Variants in TRPC7 observed in about 807,000 individuals in gnomAD.
The protein encoded by TRPC7 is transient receptor potential cation channel subfamily C member 7.
Under a neutral mutation model 90.1 loss-of-function variants are expected in TRPC7, and 42 were observed. The observed-to-expected ratio is 0.47, with a 90% CI of 0.36 to 0.60. The LOEUF (loss-of-function observed/expected upper bound fraction) is 0.60. TRPC7 is among the 20% of genes least tolerant of loss of function. The pLI is 0.00. For missense variants in TRPC7, 955 were observed against 1,112.3 expected (o/e 0.86, Z 2.01); for synonymous variants, 451 against 436.3 (o/e 1.03, Z -0.42).
chr5:136,270,266 AT>A (rs567591497), intron 4 of TRPC7, among the ~76,000 whole-genome samples: 1 of 152,098 alleles, frequency 6.6e-6, no homozygotes. Flanking sequence ...AGCTTCCTAT[AT>A]TTTTTTAAAA....
At position 136,213,160 on chromosome 5, in the gene TRPC7, T is replaced by A. The variant is rs1477904238; in HGVS notation, c.*275A>T. Among the ~76,000 whole-genome samples the A allele has an allele frequency of 1.3e-5, 2 of 152,224 alleles. No homozygotes were observed. The highest frequency in any genetic ancestry group is 6.5e-5 in the Admixed American group (1 of 15,284). ...CTGGCCACAGGGATGGGTTTCACTG[T>A]GGCTGGACCAAAGGTCTCACACTCG... On this transcript the variant is annotated 3_prime_UTR_variant, in exon 12 of 12. Coordinates refer to ENST00000513104, the MANE Select transcript of TRPC7 (RefSeq NM_020389.3).
At chr5:136,355,021 G>A (rs1760317478) in intron 2 of TRPC7, among the ~76,000 whole-genome samples, 1 of 152,214 alleles carries the variant, frequency 6.6e-6, no homozygotes, top group Non-Finnish European at 1.5e-5. Flanking sequence ...CTGTATAATT[G>A]TATGCCATAC....
chr5:136,364,348 C>T (rs1760659949), intron 1 of TRPC7, among the ~76,000 whole-genome samples: 1 of 152,166 alleles, frequency 6.6e-6, no homozygotes, highest in Admixed American at 6.5e-5. Context: ...GTTTGGTAAG[C>T]TTTTAAATAA....
chr5:136,267,297 C>T (rs1271764531), intron 4 of TRPC7, among the ~76,000 whole-genome samples: 1 of 152,190 alleles, frequency 6.6e-6, no homozygotes. Flanking sequence ...TTGCCAACCT[C>T]CTGTTAATGA....
chr5:136,322,755 G>C (rs2149842424), intron 2 of TRPC7, among the ~76,000 whole-genome samples: 1 of 152,208 alleles, frequency 6.6e-6, no homozygotes, highest in East Asian at 1.9e-4. Flanking sequence ...ATCTTTTCCT[G>C]TGCTTATTTG....
chr5:136,339,001 A>G (rs1759756993), intron 2 of TRPC7, among the ~76,000 whole-genome samples: 1 of 152,202 alleles, frequency 6.6e-6, no homozygotes, highest in South Asian at 2.1e-4. Context: ...TTGATGGGGA[A>G]ATGAGTAATC....
intron 3 of TRPC7, among the ~76,000 whole-genome samples, chr5:136,276,275 A>G (rs1046465502): frequency 6.6e-6 from 1 of 152,228 alleles, no homozygotes; most frequent in African/African-American, 2.4e-5. Context: ...CAGGATACCC[A>G]TGTGCTTCCA....
intron 4 of TRPC7, among the ~76,000 whole-genome samples, chr5:136,266,869 T>G (rs1757051112): frequency 3.9e-5 from 6 of 152,256 alleles, no homozygotes; most frequent in Admixed American, 3.9e-4. Context: ...TGTATGTTGA[T>G]ACATTTATTT....
intron 2 of TRPC7, among the ~76,000 whole-genome samples, chr5:136,333,827 A>AT (rs1201211802): frequency 1.3e-5 from 2 of 152,088 alleles, no homozygotes; most frequent in African/African-American, 4.8e-5. Context: ...GTTATAGATG[A>AT]TTTTTCTTTT....
chr5:136,327,548 G>A (rs914863927), intron 2 of TRPC7, among the ~76,000 whole-genome samples: 1 of 152,204 alleles, frequency 6.6e-6, no homozygotes, highest in African/African-American at 2.4e-5. Flanking sequence ...TCCATAGCAT[G>A]AAATAGGAGA....
intron 3 of TRPC7, chr5:136,303,837 C>T (rs1370959457): frequency 2.6e-5 from 4 of 151,768 alleles, no homozygotes; most frequent in Admixed American, 6.6e-5. Context: ...TGCCGAGCTT[C>T]GGGTAACTCT....
chr5:136,266,399 A>G lies in TRPC7; in HGVS notation c.1166T>C (p.Val389Ala), dbSNP rs774469863. 4.6e-5 allele frequency: 74 copies of G among 1,613,714 alleles called. No homozygotes were observed. The highest frequency in any genetic ancestry group is 5.3e-5 in the Non-Finnish European group (62 of 1,179,796). The change falls in exon 5 of 12, where the codon GTA becomes GCA. Residue 389 changes from valine to alanine, a missense_variant. By Grantham distance (64) the Val-to-Ala change is moderately conservative. Around this residue, in one of 4 missense-constraint regions of TRPC7, gnomAD observed 484 missense variants for 509.6 expected, o/e 0.95. Transcript: ENST00000513104. ...GATTGTAAAAGAAACTGCATGAGCTACAAACTTCATGAAAGGGCTCCTCAG... is the reference window on the plus strand; with the variant it reads ...GATTGTAAAAGAAACTGCATGAGCTGCAAACTTCATGAAAGGGCTCCTCAG... ...RTLRSPFMKF[V>A]AHAVSFTIFL... is the part of the protein sequence containing the mutation.
intron 2 of TRPC7, among the ~76,000 whole-genome samples, chr5:136,351,014 A>G (rs1256527212): frequency 1.3e-5 from 2 of 152,240 alleles, no homozygotes; most frequent in East Asian, 1.9e-4. Context: ...CATATAACCT[A>G]TGCATATCCT....
rs1254729465 is a variant in TRPC7, at chr5:136,247,787, A to G, written c.1580-52T>C. 5.8e-5 allele frequency: 91 copies of G among 1,564,932 alleles called. No individual in the cohort carries two copies. The highest frequency in any genetic ancestry group is 7.7e-5 in the Non-Finnish European group (89 of 1,155,736). On this transcript the variant is annotated intron_variant, in intron 6 of 11. Transcript: ENST00000513104. This position sits in a 1 kb window ranked among gnomAD's most constrained non-coding sequence, Gnocchi z 4.2. ...ACGAGGCCACAGGATCTATTCTAGA[A>G]GAGAAACCAGTTAGGCATCTTTAGA...
At chr5:136,322,255 T>G (rs1169593022) in intron 2 of TRPC7, among the ~76,000 whole-genome samples, 1 of 152,122 alleles carries the variant, frequency 6.6e-6, no homozygotes. Context: ...CCTCAAGTGA[T>G]CACCTGTGTC....
intron 2 of TRPC7, among the ~76,000 whole-genome samples, chr5:136,342,661 T>C (rs1317394644): frequency 1.3e-5 from 2 of 152,192 alleles, no homozygotes; most frequent in African/African-American, 4.8e-5. Flanking sequence ...GATTTGGTTT[T>C]ATTGATGGTG....
chr5:136,301,173 C>T (rs1758368979), intron 3 of TRPC7, among the ~76,000 whole-genome samples: 1 of 151,984 alleles, frequency 6.6e-6, no homozygotes, highest in South Asian at 2.1e-4. Context: ...ACTACAGGCA[C>T]ACACCACCAT....
At chr5:136,214,844 G>A (rs1755211385) in intron 11 of TRPC7, among the ~76,000 whole-genome samples, 1 of 152,212 alleles carries the variant, frequency 6.6e-6, no homozygotes, top group African/African-American at 2.4e-5. Context: ...AATCATGGAT[G>A]AGGCTGTTTC....
Position 136,266,229 on chromosome 5 carries a change from A to G in TRPC7, c.1336T>C (p.Trp446Arg). Residue 446 changes from tryptophan to arginine, a missense_variant, in exon 5 of 12, where the codon TGG (tryptophan) becomes CGG (arginine). Coordinates refer to ENST00000513104, the MANE Select transcript of TRPC7 (RefSeq NM_020389.3). ...FSWTEMLIMK[W>R]VLGMIWSECK... ...AGAGTGACTTGCTTACCTAAGACCC[A>G]CTTCATAATGAGCATTTCTGTCCAG... 6.2e-7 allele frequency: 1 copy of G among 1,613,634 alleles called. No individual in the cohort carries two copies. The highest frequency in any genetic ancestry group is 8.5e-7 in the Non-Finnish European group (1 of 1,179,576).
Sources: allele counts gnomAD v4.1 joint callset (sites outside exome capture counted in the v4.1 genomes callset), GRCh38; gene constraint gnomAD v4.1.1; regional missense constraint gnomAD v4.1.1; non-coding constraint Gnocchi (gnomAD v3.1); transcripts MANE v1.5; gene names NCBI Gene and HGNC (gene_info 2026-07-23, HGNC 2026-07-21).